LRMDA: variants seen among roughly 807,000 people sequenced by gnomAD.
LRMDA encodes leucine-rich melanocyte differentiation-associated protein.
A neutral mutation model predicts 29.8 loss-of-function variants in LRMDA; 18 were observed. The ratio of observed to expected loss-of-function variants is 0.60; its 90% CI spans 0.42 to 0.90. LRMDA has a LOEUF of 0.90. Among genes scored for constraint, LRMDA ranks in the 40% least tolerant of loss-of-function variants. LRMDA has a pLI of 0.00. For missense variants in LRMDA, 273 were observed against 273.9 expected (o/e 1.00, Z 0.02); for synonymous variants, 125 against 109.4 (o/e 1.14, Z -0.89).
chr10:76,457,794 C>G (rs1395674816), intron 6 of LRMDA, among the ~76,000 whole-genome samples: 3 of 135,778 alleles, frequency 2.2e-5, no homozygotes, highest in East Asian at 3.3e-4. Context: ...TTTCAGGAAC[C>G]TAACTCTGTA....
chr10:76,022,435 T>G (rs1378211698), intron 2 of LRMDA, among the ~76,000 whole-genome samples: 1 of 152,358 alleles, frequency 6.6e-6, no homozygotes, highest in East Asian at 1.9e-4. Flanking sequence ...GCTCTTGGCC[T>G]TATGATGTTT....
chr10:75,916,999 T>C (rs150666207), intron 2 of LRMDA, among the ~76,000 whole-genome samples: 2 of 152,296 alleles, frequency 1.3e-5, no homozygotes, highest in Non-Finnish European at 2.9e-5. Context: ...GTTGACCTTA[T>C]GTTAAGTTGC....
intron 2 of LRMDA, among the ~76,000 whole-genome samples, chr10:75,888,483 A>G (rs1028116168): frequency 1.3e-5 from 2 of 152,192 alleles, no homozygotes; most frequent in Non-Finnish European, 2.9e-5. Flanking sequence ...AGCTTGGCAA[A>G]TTATGAATTT....
intron 5 of LRMDA, among the ~76,000 whole-genome samples, chr10:76,210,041 C>G (rs1318319096): frequency 6.6e-6 from 1 of 152,164 alleles, no homozygotes. Flanking sequence ...ACCTTCTCCC[C>G]AGAATCAGAT....
At chr10:75,981,643 A>C (rs2132449714) in intron 2 of LRMDA, among the ~76,000 whole-genome samples, 1 of 152,176 alleles carries the variant, frequency 6.6e-6, no homozygotes, top group African/African-American at 2.4e-5. Flanking sequence ...CACGAGGTCA[A>C]GAGATCGAGA....
intron 5 of LRMDA, among the ~76,000 whole-genome samples, chr10:76,240,708 A>G (rs149208804): frequency 1.3e-5 from 2 of 151,110 alleles, no homozygotes; most frequent in African/African-American, 2.4e-5. Context: ...TTGCAATTGC[A>G]TAATATGGAA....
intron 2 of LRMDA, among the ~76,000 whole-genome samples, chr10:75,554,934 G>A (rs1413798458): frequency 6.6e-6 from 1 of 152,158 alleles, no homozygotes; most frequent in East Asian, 1.9e-4. Flanking sequence ...TGTCAGTAGA[G>A]AGATTTAAGC....
chr10:76,432,020 T>C (rs1232226159), intron 6 of LRMDA, among the ~76,000 whole-genome samples: 2 of 152,148 alleles, frequency 1.3e-5, no homozygotes, highest in East Asian at 3.8e-4. Context: ...AATTGTCCAG[T>C]CTCAGGTATG....
chr10:76,421,537 C>G (rs960998099), intron 6 of LRMDA, among the ~76,000 whole-genome samples: 1 of 152,140 alleles, frequency 6.6e-6, no homozygotes, highest in African/African-American at 2.4e-5. Flanking sequence ...TTTAATATAG[C>G]TTCCTTGTGA....
chr10:76,168,064 G>A (rs1355965260), intron 5 of LRMDA, among the ~76,000 whole-genome samples: 1 of 151,938 alleles, frequency 6.6e-6, no homozygotes, highest in African/African-American at 2.4e-5. Context: ...GGCCTACTTG[G>A]GACCAATTTT....
chr10:75,743,129 G>T (rs1339364134), intron 2 of LRMDA, among the ~76,000 whole-genome samples: 1 of 152,108 alleles, frequency 6.6e-6, no homozygotes, highest in East Asian at 1.9e-4. Context: ...GGAGCTGGGA[G>T]GGGGTGGTAA....
chr10:75,993,102 C>G (rs1847400125), intron 2 of LRMDA, among the ~76,000 whole-genome samples: 1 of 152,120 alleles, frequency 6.6e-6, no homozygotes, highest in Non-Finnish European at 1.5e-5. Context: ...AAAATGGGCT[C>G]TTCTCTGCAT....
At position 76,289,984 on chromosome 10, in the gene LRMDA, G is replaced by T. The variant is rs138952180; in HGVS notation, c.517-34417G>T. On this transcript the variant is annotated intron_variant, in intron 5 of 6. Transcript: ENST00000611255. ...CATCAGGTTCTCCAATGCCTGCAAGGCTTCTGCATTTCTAGTCCCAACAAA... is the reference window on the plus strand; with the variant it reads ...CATCAGGTTCTCCAATGCCTGCAAGTCTTCTGCATTTCTAGTCCCAACAAA... 2.2e-4 allele frequency among the ~76,000 whole-genome samples: 34 copies of T among 152,266 alleles called. No homozygotes were observed. In the East Asian group the frequency reaches 6.4e-3, roughly 29 times the overall value.
At chr10:75,510,409 G>A (rs74147104) in intron 2 of LRMDA, among the ~76,000 whole-genome samples, 13 of 152,318 alleles carry the variant, frequency 8.5e-5, no homozygotes, top group African/African-American at 3.1e-4. Flanking sequence ...TGGGTCCCTG[G>A]GAAGAGGACT....
intron 6 of LRMDA, among the ~76,000 whole-genome samples, chr10:76,386,237 G>A (rs1310106756): frequency 6.6e-6 from 1 of 152,068 alleles, no homozygotes; most frequent in Non-Finnish European, 1.5e-5. Context: ...GCTTTATTTG[G>A]ATTACCAAGT....
intron 5 of LRMDA, among the ~76,000 whole-genome samples, chr10:76,208,602 T>C (rs1459981895): frequency 6.6e-6 from 1 of 152,176 alleles, no homozygotes; most frequent in African/African-American, 2.4e-5. Context: ...TCAGACTCAA[T>C]GCGGGGAAAC....
At position 76,412,962 on chromosome 10, in the gene LRMDA, C is replaced by G. The variant is rs112270778; in HGVS notation, c.601+88477C>G. On this transcript the variant is annotated intron_variant, in intron 6 of 6. Transcript: ENST00000611255. ...GACTTCCTTCCTCCTCTCTGGATTA[C>G]AGCTGTTCTCCTGGTCAGCAATCCA... Among the ~76,000 whole-genome samples, 1,285 of 152,208 alleles carry G rather than the reference C, an allele frequency of 8.4e-3. 14 individuals carry two copies. Among genetic ancestry groups the G allele is most frequent in the African/African-American group, 0.028 (1,176 of 41,530 alleles).
chr10:76,000,539 T>C (rs1847544842), intron 2 of LRMDA, among the ~76,000 whole-genome samples: 1 of 152,212 alleles, frequency 6.6e-6, no homozygotes, highest in Admixed American at 6.5e-5. Flanking sequence ...ATGCCTGTTT[T>C]ATCTTTGGAG....
chr10:75,815,022 G>T (rs1301164863), intron 2 of LRMDA, among the ~76,000 whole-genome samples: 1 of 152,178 alleles, frequency 6.6e-6, no homozygotes, highest in Non-Finnish European at 1.5e-5. Flanking sequence ...AGTAGAGGAA[G>T]AATAATCTAT....
Sources: gnomAD v4.1 joint callset for allele counts (sites outside exome capture counted in the v4.1 genomes callset) on GRCh38, gnomAD v4.1.1 for gene constraint, MANE v1.5 for transcripts, NCBI Gene and HGNC (gene_info 2026-07-23, HGNC 2026-07-21) for gene names.